The following VPS53 variants were observed in gnomAD, a reference collection of about 807,000 sequenced individuals.
VPS53 encodes the protein vacuolar protein sorting-associated protein 53 homolog.
VPS53 carries 70 observed loss-of-function variants against 107.0 expected under a neutral mutation model. The ratio of observed to expected loss-of-function variants is 0.65; its 90% CI spans 0.54 to 0.80. The LOEUF is 0.80. Among genes scored for constraint, VPS53 ranks in the 30% least tolerant of loss-of-function variants. The probability of loss-of-function intolerance (pLI) is 0.00; values close to 1 mark genes in which losing one functional copy is unlikely to be tolerated. For missense variants in VPS53, 917 were observed against 1,049.4 expected (o/e 0.87, Z 1.74); for synonymous variants, 409 against 393.3 (o/e 1.04, Z -0.47).
rs533605227 is a variant in VPS53, at chr17:674,867, G to C, written c.286-12972C>G. The C allele has an allele frequency of 3.9e-5, 6 of 152,346 alleles. No individual in the cohort carries two copies. The East Asian group carries it at 9.6e-4, about 24-fold the overall frequency. The allele number at this position is 152,346 out of a possible 1,614,324, so 9.4% of individuals were successfully genotyped here. The stretch of plus-strand genomic sequence containing the variant: ...ATTTTGGGCACGTCACAGAACTGAT[G>C]CGGGCCATCTCTTCATCTGTAAAAT... On this transcript the variant is annotated intron_variant, in intron 4 of 21. Coordinates refer to ENST00000437048, the MANE Select transcript of VPS53 (RefSeq NM_001128159.3).
rs940455894 is a variant in VPS53 at position 628,271 on chromosome 17, A to C, written c.688-40T>G. On this transcript the variant is annotated intron_variant, in intron 8 of 21. Transcript: ENST00000437048. The stretch of plus-strand genomic sequence containing the variant: ...ATGTACCAGGTGAAAAGCCAGAAAC[A>C]ACCTTTAAACCTCATGGCTTCTCAC... The C allele has an allele frequency of 1.9e-6, 3 of 1,605,638 alleles. No individual in the cohort carries two copies. In the East Asian group the frequency reaches 6.7e-5, roughly 36 times the overall value.
rs543185768 is a variant in VPS53 at position 635,469 on chromosome 17, C to T, written c.609-3841G>A. On this transcript the variant is annotated intron_variant, in intron 7 of 21. Coordinates refer to ENST00000437048, the MANE Select transcript of VPS53 (RefSeq NM_001128159.3). ...AAGTGTTTTAGACATGAAGTCCTTGCCCATGCCTATGTCCTGAATGGTATT... is the reference window on the plus strand; with the variant it reads ...AAGTGTTTTAGACATGAAGTCCTTGTCCATGCCTATGTCCTGAATGGTATT... 2.6e-3 allele frequency among the ~76,000 whole-genome samples: 400 copies of T among 152,290 alleles called. 3 individuals carry two copies. Among genetic ancestry groups the T allele is most frequent in the African/African-American group, 9.3e-3 (387 of 41,570 alleles).
Position 512,486 on chromosome 17 carries a change from C to T in VPS53, c.*6642G>A, listed in dbSNP as rs188772649. Reference sequence around the variant, plus strand: ...GACACGTCCTTCATGTCCCACAGATCCATGGATCGCCGGCATCTTCCCTCC... The same window carrying T: ...GACACGTCCTTCATGTCCCACAGATTCATGGATCGCCGGCATCTTCCCTCC... On this transcript the variant is annotated 3_prime_UTR_variant, in exon 22 of 22. Coordinates refer to ENST00000437048, the MANE Select transcript of VPS53 (RefSeq NM_001128159.3). 2.4e-3 allele frequency: 370 copies of T among 152,354 alleles called. 2 individuals carry two copies. Among genetic ancestry groups the T allele is most frequent in the African/African-American group, 7.3e-3 (305 of 41,572 alleles). 9.4% of individuals were successfully genotyped at this position (152,354 alleles called of 1,614,324 possible). A position where few individuals can be genotyped will look rare whatever the true frequency, so the allele number is the denominator to read the frequency against.
chr17:539,123 T>C (rs1910369800), intron 17 of VPS53: 1 of 152,232 alleles, frequency 6.6e-6, no homozygotes, highest in African/African-American at 2.4e-5. Flanking sequence ...CAATGACTGT[T>C]ACTTTCCAAG....
At chr17:643,158 G>A (rs1219345431) in intron 7 of VPS53, among the ~76,000 whole-genome samples, 5 of 95,810 alleles carry the variant, frequency 5.2e-5, no homozygotes, top group Non-Finnish European at 9.6e-5. Flanking sequence ...CTTGGAAAGC[G>A]AGGACAACAC....
rs1912042427 is a variant in VPS53 at position 553,395 on chromosome 17, A to C, written c.1772T>G (p.Met591Arg). Residue 591 changes from methionine to arginine, a missense_variant, in exon 16 of 22, where the codon ATG (methionine) becomes AGG (arginine). Physicochemically the swap from Met to Arg is moderately conservative, Grantham distance 91. Coordinates refer to ENST00000437048, the MANE Select transcript of VPS53 (RefSeq NM_001128159.3). The stretch of plus-strand genomic sequence containing the variant: ...GGGTACATACGTGCTGAACGTGTCC[A>C]TCTCTCCAGTCAGATTGATTCGTTC... ...LIERINLTGE[M>R]DTFSTVISSS... 3 of 1,614,078 alleles carry C rather than the reference A, an allele frequency of 1.9e-6. No individual in the cohort carries two copies. Among genetic ancestry groups the C allele is most frequent in the South Asian group, 1.1e-5 (1 of 91,078 alleles).
intron 7 of VPS53, among the ~76,000 whole-genome samples, chr17:640,578 C>T (rs2143308045): frequency 6.6e-6 from 1 of 152,094 alleles, no homozygotes; most frequent in Non-Finnish European, 1.5e-5. Context: ...TCAAAGTCAC[C>T]TCTTGAGATA....
intron 4 of VPS53, among the ~76,000 whole-genome samples, chr17:687,960 A>C (rs141123815): frequency 3.9e-5 from 6 of 152,302 alleles, no homozygotes; most frequent in African/African-American, 1.4e-4. Context: ...AAGATATCTA[A>C]CTACACCAAT....
At chr17:662,616 G>A (rs1971486506) in intron 4 of VPS53, among the ~76,000 whole-genome samples, 1 of 151,838 alleles carries the variant, frequency 6.6e-6, no homozygotes, top group South Asian at 2.1e-4. Flanking sequence ...TTGAACCCGG[G>A]AGGCAGAGCT....
At chr17:622,733 T>A (rs1050587424) in intron 11 of VPS53, among the ~76,000 whole-genome samples, 1 of 152,092 alleles carries the variant, frequency 6.6e-6, no homozygotes, top group Admixed American at 6.5e-5. Context: ...TCTTTTCTTT[T>A]TTTTTAGAGA....
At chr17:664,991 T>A (rs1384204654) in intron 4 of VPS53, among the ~76,000 whole-genome samples, 1 of 151,518 alleles carries the variant, frequency 6.6e-6, no homozygotes, top group Non-Finnish European at 1.5e-5. Context: ...AAGTGAAGAG[T>A]CCCATCTGCA....
intron 10 of VPS53, among the ~76,000 whole-genome samples, chr17:624,752 T>G (rs923756916): frequency 6.6e-6 from 1 of 152,212 alleles, no homozygotes. Flanking sequence ...TCTGCTGAAC[T>G]GTAGGCTAAA....
chr17:633,299 C>CAG (rs952871494), intron 7 of VPS53, among the ~76,000 whole-genome samples: 3 of 152,192 alleles, frequency 2.0e-5, no homozygotes, highest in Non-Finnish European at 2.9e-5. Flanking sequence ...GCCAGCCTTG[C>CAG]AGAGAGAGAG....
At position 631,656 on chromosome 17, in the gene VPS53, C is replaced by T. The variant is rs72810205; in HGVS notation, c.609-28G>A. On this transcript the variant is annotated intron_variant, in intron 7 of 21. Coordinates refer to ENST00000437048, the MANE Select transcript of VPS53 (RefSeq NM_001128159.3). ...GTGAGGAAGAGAGAACATATCATCA[C>T]CTGGCATCATATCCTTATGTAACTA... 11,369 of 1,603,900 alleles carry T rather than the reference C, an allele frequency of 7.1e-3. 70 individuals carry two copies. Among genetic ancestry groups the T allele is most frequent in the Non-Finnish European group, 8.5e-3 (9,974 of 1,171,002 alleles).
chr17:582,654 G>A (rs1228115952), intron 13 of VPS53, among the ~76,000 whole-genome samples: 1 of 148,236 alleles, frequency 6.7e-6, no homozygotes, highest in Non-Finnish European at 1.5e-5. Flanking sequence ...TGTTCCCAGA[G>A]AACCTCCCTT....
At position 520,355 on chromosome 17, in the gene VPS53, C is replaced by T. The variant is rs1007508969; in HGVS notation, c.2224-425G>A. On this transcript the variant is annotated intron_variant, in intron 20 of 21. Transcript: ENST00000437048. The surrounding 1 kb of genome is among the most constrained non-coding windows in gnomAD (Gnocchi z 4.4). ...AGGGTCTCCTGTTCCAGGCATTTCA[C>T]CAGTACACGGTACTTGCTCCTTCTG... is the stretch of plus-strand genomic sequence containing the variant. Among the ~76,000 whole-genome samples, 11 of 152,140 alleles carry T rather than the reference C, an allele frequency of 7.2e-5. No individual in the cohort carries two copies. Among genetic ancestry groups the T allele is most frequent in the Admixed American group, 1.3e-4 (2 of 15,276 alleles).
chr17:714,798 C>T lies in VPS53; in HGVS notation c.-89G>A. The T allele has an allele frequency of 6.8e-7, 1 of 1,468,928 alleles. No individual in the cohort carries two copies. Among genetic ancestry groups the T allele is most frequent in the Non-Finnish European group, 9.5e-7 (1 of 1,052,954 alleles). The allele number at this position is 1,468,928 out of a possible 1,614,324, so 91.0% of individuals were successfully genotyped here. A position where few individuals can be genotyped will look rare whatever the true frequency, so the allele number is the denominator to read the frequency against. ...AGGCCCCAGCACAGCAACTCCCTCG[C>T]GGCAGCGACCTGGTGAGCCCGGCTC... is the stretch of plus-strand genomic sequence containing the variant. On this transcript the variant is annotated 5_prime_UTR_variant, in exon 1 of 22. Coordinates refer to ENST00000437048, the MANE Select transcript of VPS53 (RefSeq NM_001128159.3).
chr17:687,761 GATAA>G (rs910484558), intron 4 of VPS53, among the ~76,000 whole-genome samples: 3 of 152,140 alleles, frequency 2.0e-5, no homozygotes, highest in African/African-American at 7.2e-5. Context: ...TAAATAAGTG[GATAA>G]ATAAAATAAA....
At chr17:539,737 T>C (rs1349762588) in intron 17 of VPS53, among the ~76,000 whole-genome samples, 4 of 152,308 alleles carry the variant, frequency 2.6e-5, no homozygotes, top group East Asian at 1.9e-4. Flanking sequence ...CAACCTGAAC[T>C]GCCCAGGATA....
Sources: allele counts gnomAD v4.1 joint callset (sites outside exome capture counted in the v4.1 genomes callset), GRCh38; gene constraint gnomAD v4.1.1; non-coding constraint Gnocchi (gnomAD v3.1); transcripts MANE v1.5; gene names NCBI Gene and HGNC (gene_info 2026-07-23, HGNC 2026-07-21).